The following ATF7 variants were observed in gnomAD, a reference collection of about 807,000 sequenced individuals.
The protein encoded by ATF7 is cyclic AMP-dependent transcription factor ATF-7.
A neutral mutation model predicts 50.4 loss-of-function variants in ATF7; 10 were observed. That is an observed-to-expected ratio of 0.20 (90% confidence interval 0.12 to 0.34). The LOEUF is 0.34. Among genes scored for constraint, ATF7 ranks in the 10% least tolerant of loss-of-function variants. The pLI, the probability that ATF7 is intolerant of heterozygous loss-of-function variation, is 1.00. For missense variants in ATF7, 465 were observed against 613.9 expected, an observed-to-expected ratio of 0.76 and a Z score of 2.56; for synonymous variants, 201 against 226.4, an observed-to-expected ratio of 0.89 and a Z score of 1.01.
At chr12:53,510,385 CT>C (rs930165111), downstream of ATF7, among the ~76,000 whole-genome samples, 1 of 152,156 alleles carries the variant, frequency 6.6e-6, no homozygotes, top group Non-Finnish European at 1.5e-5. Context: ...GGGGAGATGG[CT>C]TTTCTGTGGG....
chr12:53,538,470 G>A (rs568439510), intron 4 of ATF7, among the ~76,000 whole-genome samples: 2 of 152,278 alleles, frequency 1.3e-5, no homozygotes, highest in South Asian at 2.1e-4. Context: ...TGAAATAAAT[G>A]ACAACTTGGT....
At chr12:53,518,271 C>G (rs929662461) in intron 11 of ATF7, among the ~76,000 whole-genome samples, 1 of 152,232 alleles carries the variant, frequency 6.6e-6, no homozygotes, top group Non-Finnish European at 1.5e-5. Context: ...GTCCCTGGCC[C>G]GGGTTCAGTT....
downstream of ATF7, among the ~76,000 whole-genome samples, chr12:53,511,379 G>A (rs202208827): frequency 1.3e-4 from 20 of 152,264 alleles, no homozygotes; most frequent in East Asian, 3.9e-3. Flanking sequence ...CTCCTGAGTA[G>A]CTGGGATTAC....
At chr12:53,607,260 T>C (rs1229176260) in intron 1 of ATF7, among the ~76,000 whole-genome samples, 1 of 152,232 alleles carries the variant, frequency 6.6e-6, no homozygotes, top group Non-Finnish European at 1.5e-5. Flanking sequence ...CCATTCTAAC[T>C]GGTGTGAGAT....
intron 4 of ATF7, among the ~76,000 whole-genome samples, chr12:53,540,914 T>G (rs879578311): frequency 6.6e-6 from 1 of 152,072 alleles, no homozygotes; most frequent in Admixed American, 6.6e-5. Context: ...AAATTTTTTG[T>G]AGAGATAGGT....
chr12:53,519,053 C>CA (rs773430662), intron 11 of ATF7, among the ~76,000 whole-genome samples: 1,452 of 73,172 alleles, frequency 0.02, 20 homozygotes, highest in African/African-American at 0.052. Flanking sequence ...GACTCCGTCT[C>CA]AAAAAAAAAA....
At chr12:53,620,521 A>G (rs1225004505) in intron 1 of ATF7, among the ~76,000 whole-genome samples, 2 of 142,958 alleles carry the variant, frequency 1.4e-5, no homozygotes, top group Non-Finnish European at 1.5e-5. Context: ...GCTTGCAGTG[A>G]GCCGAGATCC....
chr12:53,596,173 G>A (rs1282052705), intron 2 of ATF7, among the ~76,000 whole-genome samples: 4 of 152,076 alleles, frequency 2.6e-5, no homozygotes, highest in Non-Finnish European at 4.4e-5. Flanking sequence ...GGCAGTGGGC[G>A]CCTGTAATCC....
At chr12:53,613,729 C>G (rs540209419) in intron 1 of ATF7, among the ~76,000 whole-genome samples, 4 of 151,930 alleles carry the variant, frequency 2.6e-5, no homozygotes, top group Non-Finnish European at 4.4e-5. Flanking sequence ...CTATATTACC[C>G]AGGCTAGTCT....
intron 4 of ATF7, among the ~76,000 whole-genome samples, chr12:53,538,181 C>G (rs948203360): frequency 6.6e-6 from 1 of 152,094 alleles, no homozygotes; most frequent in Non-Finnish European, 1.5e-5. Flanking sequence ...TAAATCCATG[C>G]AAATATTATG....
chr12:53,619,991 A>C (rs1294373296), intron 1 of ATF7, among the ~76,000 whole-genome samples: 2 of 151,514 alleles, frequency 1.3e-5, no homozygotes, highest in Non-Finnish European at 2.9e-5. Flanking sequence ...AAATAAACAA[A>C]ATTAGCCAGG....
intron 2 of ATF7, among the ~76,000 whole-genome samples, chr12:53,580,267 CAA>C (rs546068667): frequency 2.8e-5 from 3 of 106,718 alleles, no homozygotes; most frequent in East Asian, 2.7e-4. Context: ...AAATTACTGC[CAA>C]AAAAAAAAAA....
Position 53,515,478 on chromosome 12 carries a change from A to C in ATF7, c.*1659T>G, listed in dbSNP as rs1937650025. 1 of 152,226 alleles carries C rather than the reference A, an allele frequency of 6.6e-6. No individual in the cohort carries two copies. Among genetic ancestry groups the C allele is most frequent in the African/African-American group, 2.4e-5 (1 of 41,444 alleles). The allele number at this position is 152,226 out of a possible 1,614,324, so 9.4% of individuals were successfully genotyped here. A position where few individuals can be genotyped will look rare whatever the true frequency, so the allele number is the denominator to read the frequency against. On this transcript the variant is annotated 3_prime_UTR_variant, in exon 12 of 12. Transcript: ENST00000420353. ...ACAACTGGAAGGGTTTCATACGGAA[A>C]GGCAATTAAAGCTGACCTATCTATC... is the stretch of plus-strand genomic sequence containing the variant.
At chr12:53,519,183 T>C (rs1937935584) in intron 11 of ATF7, among the ~76,000 whole-genome samples, 1 of 152,160 alleles carries the variant, frequency 6.6e-6, no homozygotes, top group Non-Finnish European at 1.5e-5. Flanking sequence ...CTGAGCATCA[T>C]CCATGTACCA....
rs539120276 is a variant in ATF7 at position 53,550,094 on chromosome 12, A to G, written c.145+2447T>C. On this transcript the variant is annotated intron_variant, in intron 3 of 11. Transcript: ENST00000420353. ...TCCCAGCACTTTGGAAGGCCGAGGC[A>G]GGTGGATCATTCGAGGCCAGGAGTT... 6.8e-3 allele frequency among the ~76,000 whole-genome samples: 1,028 copies of G among 152,098 alleles called. 7 individuals are homozygous for G. The highest frequency in any genetic ancestry group is 0.024 in the African/African-American group (982 of 41,546).
chr12:53,578,783 CAAAAA>C (rs10718181), intron 2 of ATF7, among the ~76,000 whole-genome samples: 1 of 106,664 alleles, frequency 9.4e-6, no homozygotes. Flanking sequence ...GATGCTGTCT[CAAAAA>C]AAAAAAAAAA....
chr12:53,620,437 G>A (rs1197419096), intron 1 of ATF7, among the ~76,000 whole-genome samples: 30 of 150,520 alleles, frequency 2.0e-4, no homozygotes, highest in Admixed American at 2.6e-4. Context: ...TTAGCCGGGC[G>A]TAGTGGCGGG....
At chr12:53,616,144 G>A (rs904993286) in intron 1 of ATF7, among the ~76,000 whole-genome samples, 1 of 152,128 alleles carries the variant, frequency 6.6e-6, no homozygotes, top group Non-Finnish European at 1.5e-5. Context: ...GTGGGGCTGT[G>A]GCAAAACATG....
intron 1 of ATF7, among the ~76,000 whole-genome samples, chr12:53,610,650 G>A (rs1054138594): frequency 4.6e-5 from 7 of 150,978 alleles, no homozygotes; most frequent in African/African-American, 1.7e-4. Flanking sequence ...ACTGAATCAT[G>A]TTTTACCAAC....
Sources: allele counts gnomAD v4.1 joint callset (sites outside exome capture counted in the v4.1 genomes callset), GRCh38; gene constraint gnomAD v4.1.1; transcripts MANE v1.5; gene names NCBI Gene and HGNC (gene_info 2026-07-23, HGNC 2026-07-21).